The following PPCDC variants were observed in gnomAD, a reference collection of about 807,000 sequenced individuals.
The protein encoded by PPCDC is phosphopantothenoylcysteine decarboxylase.
In PPCDC, 20 loss-of-function variants were observed where a neutral mutation model predicts 20.7. That is an observed-to-expected ratio of 0.97 (90% CI 0.68 to 1.41). The LOEUF is 1.41. PPCDC is among the 40% of genes most tolerant of loss of function. The probability of loss-of-function intolerance (pLI) is 0.00; values close to 1 mark genes in which losing one functional copy is unlikely to be tolerated. For synonymous variants in PPCDC, 88 were observed against 100.3 expected, an observed-to-expected ratio of 0.88 and a Z score of 0.73; for missense variants, 246 against 263.8, an observed-to-expected ratio of 0.93 and a Z score of 0.47.
chr15:75,035,658 A>C (rs2066075794), intron 2 of PPCDC, among the ~76,000 whole-genome samples: 1 of 152,216 alleles, frequency 6.6e-6, no homozygotes, highest in Non-Finnish European at 1.5e-5. Flanking sequence ...GCTTAAAACT[A>C]TTAGCTGTAA....
chr15:75,047,988 C>A (rs764511344), intron 4 of PPCDC, among the ~76,000 whole-genome samples: 1 of 152,100 alleles, frequency 6.6e-6, no homozygotes, highest in African/African-American at 2.4e-5. Flanking sequence ...GCCCATTGTC[C>A]GGGTGTGGGC....
At chr15:75,029,283 GC>G (rs2065993135) in intron 2 of PPCDC, among the ~76,000 whole-genome samples, 1 of 152,134 alleles carries the variant, frequency 6.6e-6, no homozygotes, top group Admixed American at 6.5e-5. Context: ...TGTGGTTTTG[GC>G]CCCTTCTTTT....
intron 2 of PPCDC, among the ~76,000 whole-genome samples, chr15:75,038,797 C>T (rs76373386): frequency 2.0e-3 from 301 of 151,968 alleles, no homozygotes; most frequent in African/African-American, 6.1e-3. Context: ...ACTCTTTAAT[C>T]GTCAGATTTT....
At chr15:75,037,336 C>T (rs927668214) in intron 2 of PPCDC, among the ~76,000 whole-genome samples, 2 of 152,122 alleles carry the variant, frequency 1.3e-5, no homozygotes, top group African/African-American at 2.4e-5. Flanking sequence ...CCAGGGTGAG[C>T]TGAAGCTTAT....
intron 2 of PPCDC, among the ~76,000 whole-genome samples, chr15:75,036,994 G>A (rs1017186828): frequency 6.6e-6 from 1 of 152,106 alleles, no homozygotes; most frequent in Admixed American, 6.6e-5. Flanking sequence ...TGATTCTGAA[G>A]GCCAGCACTA....
Position 75,049,302 on chromosome 15 carries a change from G to A in PPCDC, c.*67G>A. 1.4e-6 allele frequency: 2 copies of A among 1,476,378 alleles called. No homozygotes were observed. The highest frequency in any genetic ancestry group is 1.8e-5 in the Admixed American group (1 of 56,996). 91.5% of individuals were successfully genotyped at this position (1,476,378 alleles called of 1,614,324 possible). A position where few individuals can be genotyped will look rare whatever the true frequency, so the allele number is the denominator to read the frequency against. On this transcript the variant is annotated 3_prime_UTR_variant, in exon 6 of 6. Coordinates refer to ENST00000342932, the MANE Select transcript of PPCDC (RefSeq NM_021823.5). The stretch of plus-strand genomic sequence containing the variant: ...GGTTCAGGCCAAGTCGGTGAAGATG[G>A]ATGTTGGCAAAATAGGAGGATACCC...
intron 2 of PPCDC, among the ~76,000 whole-genome samples, chr15:75,033,786 T>C (rs985930940): frequency 1.1e-4 from 16 of 152,136 alleles, no homozygotes; most frequent in African/African-American, 3.9e-4. Context: ...TGTCACCTGC[T>C]CCTCTAGGGA....
At chr15:75,026,285 A>G (rs1039045431) in intron 1 of PPCDC, among the ~76,000 whole-genome samples, 4 of 152,218 alleles carry the variant, frequency 2.6e-5, no homozygotes, top group African/African-American at 9.7e-5. Flanking sequence ...ATGTGCCTCC[A>G]TCACCTACCA....
rs530128059 is a variant in PPCDC, at chr15:75,032,733, C to CT, written c.135+4280_135+4281insT. 3.6e-5 allele frequency among the ~76,000 whole-genome samples: 5 copies of CT among 137,064 alleles called. 1 individual carries two copies. Among genetic ancestry groups the CT allele is most frequent in the Non-Finnish European group, 7.7e-5 (5 of 64,810 alleles). 89.9% of individuals were successfully genotyped at this position (137,064 alleles called of 152,430 possible). A position where few individuals can be genotyped will look rare whatever the true frequency, so the allele number is the denominator to read the frequency against. On this transcript the variant is annotated intron_variant, in intron 2 of 5. Transcript: ENST00000342932. ...GGAGCTAGCAAACTGGACCCCCCCC[C>CT]CCAAGGCCAAATTCGGCTCTGCCTG...
At chr15:75,029,974 G>T (rs77489018) in intron 2 of PPCDC, among the ~76,000 whole-genome samples, 3,491 of 152,274 alleles carry the variant, frequency 0.023, 124 homozygotes, top group African/African-American at 0.079. Context: ...TTTGGTGGGA[G>T]GGGGGTTGTG....
chr15:75,033,790 C>T (rs1414553023), intron 2 of PPCDC, among the ~76,000 whole-genome samples: 1 of 152,134 alleles, frequency 6.6e-6, no homozygotes, highest in Non-Finnish European at 1.5e-5. Flanking sequence ...ACCTGCTCCT[C>T]TAGGGACAGA....
rs565682116 is a variant in PPCDC at position 75,039,415 on chromosome 15, T to G, written c.136-4026T>G. Among the ~76,000 whole-genome samples the G allele has an allele frequency of 7.2e-4, 110 of 152,306 alleles. No homozygotes were observed. In the Middle Eastern group the frequency reaches 0.01, roughly 14 times the overall value. ...ATACTCACTTCTGCTCCAGGACTCCTTTGACCTCTGTTGTGCTAACTCTGC... is the reference window on the plus strand; with the variant it reads ...ATACTCACTTCTGCTCCAGGACTCCGTTGACCTCTGTTGTGCTAACTCTGC... On this transcript the variant is annotated intron_variant, in intron 2 of 5. Coordinates refer to ENST00000342932, the MANE Select transcript of PPCDC (RefSeq NM_021823.5).
At chr15:75,039,610 T>A (rs1252217498) in intron 2 of PPCDC, among the ~76,000 whole-genome samples, 1 of 152,194 alleles carries the variant, frequency 6.6e-6, no homozygotes, top group East Asian at 1.9e-4. Flanking sequence ...GGCTTGTGTC[T>A]CAGTTACTGT....
At chr15:75,043,301 A>T in intron 2 of PPCDC, 140 bp from the exon 3 acceptor site, 1 of 655,236 alleles carries the variant, frequency 1.5e-6, no homozygotes, top group Non-Finnish European at 2.6e-6. Context: ...TGAGGCTTGC[A>T]GCTAAGGAGG....
intron 2 of PPCDC, among the ~76,000 whole-genome samples, chr15:75,029,176 C>G (rs1041573575): frequency 6.6e-6 from 1 of 152,176 alleles, no homozygotes; most frequent in Non-Finnish European, 1.5e-5. Context: ...TTGGTCTTTG[C>G]GTGGCTGGGC....
At chr15:75,023,989 C>T (rs1299907521) in intron 1 of PPCDC, among the ~76,000 whole-genome samples, 2 of 152,160 alleles carry the variant, frequency 1.3e-5, no homozygotes, top group African/African-American at 2.4e-5. Flanking sequence ...GAACGCTTAC[C>T]CGGGCTGCCC....
At chr15:75,030,240 C>A (rs1252772170) in intron 2 of PPCDC, among the ~76,000 whole-genome samples, 1 of 152,166 alleles carries the variant, frequency 6.6e-6, no homozygotes, top group Non-Finnish European at 1.5e-5. Context: ...TCTTGTCAGG[C>A]TCCCTGAGAT....
intron 2 of PPCDC, among the ~76,000 whole-genome samples, chr15:75,039,788 G>GTTT (rs34584428): frequency 9.8e-5 from 14 of 142,770 alleles, no homozygotes; most frequent in South Asian, 6.6e-4. Flanking sequence ...TTCTTTCTTT[G>GTTT]TTTTTTTTTT....
At chr15:75,046,696 C>T (rs1424732702) in intron 4 of PPCDC, among the ~76,000 whole-genome samples, 6 of 152,268 alleles carry the variant, frequency 3.9e-5, no homozygotes, top group Non-Finnish European at 5.9e-5. Context: ...TAGCTGTTTT[C>T]TCCCTACATC....
Sources: gnomAD v4.1 joint callset for allele counts (sites outside exome capture counted in the v4.1 genomes callset) on GRCh38, gnomAD v4.1.1 for gene constraint, MANE v1.5 for transcripts, NCBI Gene and HGNC (gene_info 2026-07-23, HGNC 2026-07-21) for gene names.